The following MYRIP variants were observed in gnomAD, a reference collection of about 807,000 sequenced individuals.
The protein encoded by MYRIP is myosin VIIA and Rab interacting protein.
In MYRIP, 49 loss-of-function variants were observed where a neutral mutation model predicts 98.0. The observed-to-expected ratio is 0.50, with a 90% CI of 0.40 to 0.63. The LOEUF (loss-of-function observed/expected upper bound fraction) is 0.63. Among genes scored for constraint, MYRIP ranks in the 30% least tolerant of loss-of-function variants. MYRIP has a pLI of 0.00. For missense variants in MYRIP, 1,004 were observed against 1,058.2 expected (o/e 0.95, Z 0.71); for synonymous variants, 404 against 409.5 (o/e 0.99, Z 0.16).
intron 8 of MYRIP, among the ~76,000 whole-genome samples, chr3:40,179,652 C>CT (rs1950842814): frequency 6.6e-6 from 1 of 152,116 alleles, no homozygotes; most frequent in Admixed American, 6.5e-5. Context: ...AGGCTGTCAG[C>CT]TTCATAAGGG....
Position 40,210,073 on chromosome 3 carries a change from G to A in MYRIP, c.1885G>A (p.Val629Ile). The part of the protein sequence containing the change: ...SLSSEDNSQS[V>I]QEELKKKFSA... ...GTCCTCTGAAGACAACAGCCAGAGT[G>A]TCCAGGAAGAGCTGAAGAAGGTAAG... The change falls in exon 11 of 17, where the codon GTC becomes ATC. Residue 629 changes from valine to isoleucine, a missense_variant. Transcript: ENST00000302541. 1 of 1,613,944 alleles carries A rather than the reference G, an allele frequency of 6.2e-7. No individual in the cohort carries two copies. The highest frequency in any genetic ancestry group is 8.5e-7 in the Non-Finnish European group (1 of 1,179,918).
chr3:40,106,724 A>G (rs1292363297), intron 3 of MYRIP, among the ~76,000 whole-genome samples: 1 of 152,024 alleles, frequency 6.6e-6, no homozygotes, highest in Non-Finnish European at 1.5e-5. Context: ...TTTATTTTAT[A>G]TATGTAAATT....
At chr3:39,895,255 C>T (rs547505735) in intron 1 of MYRIP, among the ~76,000 whole-genome samples, 49 of 151,618 alleles carry the variant, frequency 3.2e-4, no homozygotes, top group Non-Finnish European at 4.9e-4. Context: ...GGCGCGATCT[C>T]GGCTTACTGC....
rs572258690 is a variant in MYRIP at position 40,065,966 on chromosome 3, T to A, written c.332+21695T>A. Among the ~76,000 whole-genome samples, 249 of 152,312 alleles carry A rather than the reference T, an allele frequency of 1.6e-3. 1 individual carries two copies. The highest frequency in any genetic ancestry group is 5.9e-3 in the African/African-American group (245 of 41,570). ...GTGGGGCCAATACTGGAGAAATGGA[T>A]GAGTGATGCCTTAGCTGTACTGATA... On this transcript the variant is annotated intron_variant, in intron 3 of 16. Transcript: ENST00000302541.
chr3:39,830,362 G>C (rs1941403932), intron 1 of MYRIP, among the ~76,000 whole-genome samples: 1 of 152,156 alleles, frequency 6.6e-6, no homozygotes, highest in South Asian at 2.1e-4. Context: ...ATGAACCTCA[G>C]GTGGATCCTT....
intron 4 of MYRIP, among the ~76,000 whole-genome samples, chr3:40,157,971 A>C (rs1383418980): frequency 6.6e-6 from 1 of 152,056 alleles, no homozygotes; most frequent in Non-Finnish European, 1.5e-5. Context: ...TATTTTTTGA[A>C]GGGTTTTTTG....
chr3:40,053,440 A>C (rs1216750968), intron 3 of MYRIP, among the ~76,000 whole-genome samples: 1 of 152,198 alleles, frequency 6.6e-6, no homozygotes. Flanking sequence ...AAAGCTAAAC[A>C]TATTTTCCAT....
chr3:40,026,021 C>G (rs1271380193), intron 2 of MYRIP, among the ~76,000 whole-genome samples: 1 of 152,100 alleles, frequency 6.6e-6, no homozygotes, highest in Non-Finnish European at 1.5e-5. Context: ...CTCAAATTTA[C>G]CAGGGTGTGG....
At chr3:39,984,632 G>C (rs1261552270) in intron 2 of MYRIP, among the ~76,000 whole-genome samples, 1 of 152,058 alleles carries the variant, frequency 6.6e-6, no homozygotes, top group African/African-American at 2.4e-5. Context: ...ATCATTGTTG[G>C]ACATTTGGGT....
intron 11 of MYRIP, among the ~76,000 whole-genome samples, chr3:40,212,631 G>A (rs1274779686): frequency 1.3e-5 from 2 of 152,048 alleles, no homozygotes; most frequent in Non-Finnish European, 1.5e-5. Flanking sequence ...GCTTGGTGGC[G>A]TGCACCTGTA....
chr3:39,817,633 G>A (rs1202176127), intron 1 of MYRIP, among the ~76,000 whole-genome samples: 2 of 151,776 alleles, frequency 1.3e-5, no homozygotes, highest in Non-Finnish European at 2.9e-5. Context: ...ATTATCAATG[G>A]AATGTGTGAC....
At chr3:39,896,423 G>A (rs557532455) in intron 1 of MYRIP, among the ~76,000 whole-genome samples, 2 of 152,298 alleles carry the variant, frequency 1.3e-5, no homozygotes, top group African/African-American at 4.8e-5. Context: ...GAGCCATACA[G>A]CCTAAGCACC....
At chr3:40,229,285 CAG>C (rs1238835481) in intron 11 of MYRIP, among the ~76,000 whole-genome samples, 1 of 152,126 alleles carries the variant, frequency 6.6e-6, no homozygotes, top group Admixed American at 6.5e-5. Context: ...AAACACAAGA[CAG>C]AGAGATTGCT....
chr3:40,035,001 C>T (rs1249072189), intron 2 of MYRIP, among the ~76,000 whole-genome samples: 1 of 143,624 alleles, frequency 7.0e-6, no homozygotes, highest in Non-Finnish European at 1.5e-5. Context: ...CATGTTCTCA[C>T]TCATAGGTGG....
intron 1 of MYRIP, among the ~76,000 whole-genome samples, chr3:39,858,585 A>T (rs1942372711): frequency 7.2e-6 from 1 of 138,126 alleles, no homozygotes; most frequent in African/African-American, 2.7e-5. Context: ...GAAGCAAAAT[A>T]GACATTCTTT....
chr3:39,878,637 A>G (rs534882224), intron 1 of MYRIP, among the ~76,000 whole-genome samples: 8 of 152,156 alleles, frequency 5.3e-5, no homozygotes, highest in African/African-American at 9.6e-5. Context: ...TTTTGCTTCT[A>G]TTTACTCACC....
intron 8 of MYRIP, among the ~76,000 whole-genome samples, chr3:40,175,635 C>A (rs1950737001): frequency 6.6e-6 from 1 of 152,242 alleles, no homozygotes; most frequent in South Asian, 2.1e-4. Flanking sequence ...TGGTGCCCCC[C>A]AGGGGTGACA....
intron 12 of MYRIP, among the ~76,000 whole-genome samples, chr3:40,241,027 G>A (rs1952996078): frequency 6.6e-6 from 1 of 152,126 alleles, no homozygotes; most frequent in African/African-American, 2.4e-5. Context: ...GGCCTCCCAG[G>A]GAACAGGGCA....
chr3:40,065,556 T>G (rs1002853666), intron 3 of MYRIP, among the ~76,000 whole-genome samples: 3 of 152,146 alleles, frequency 2.0e-5, no homozygotes, highest in African/African-American at 7.2e-5. Context: ...GATGTTAGTC[T>G]GGAATTGGCA....
Sources: gnomAD v4.1 joint callset for allele counts (sites outside exome capture counted in the v4.1 genomes callset) on GRCh38, gnomAD v4.1.1 for gene constraint, MANE v1.5 for transcripts, NCBI Gene and HGNC (gene_info 2026-07-23, HGNC 2026-07-21) for gene names.